COL28A1: variants seen among roughly 807,000 people sequenced by gnomAD.
COL28A1 encodes collagen alpha-1(XXVIII) chain.
In COL28A1, 161 loss-of-function variants were observed where a neutral mutation model predicts 150.2. The observed-to-expected ratio is 1.07, with a 90% CI of 0.94 to 1.22. COL28A1 has a LOEUF of 1.22. Ranked by LOEUF, COL28A1 falls within the 50% of genes most tolerant of loss-of-function variation. COL28A1 has a pLI of 0.00. For synonymous variants in COL28A1, 552 were observed against 469.7 expected (o/e 1.18, Z -2.26); for missense variants, 1,617 against 1,388.3 (o/e 1.16, Z -2.62).
chr7:7,437,257 T>C, intron 22 of COL28A1, 137 bp downstream of exon 22: 1 of 1,365,044 alleles, frequency 7.3e-7, no homozygotes, highest in Non-Finnish European at 9.6e-7. Flanking sequence ...TTTGCTTATC[T>C]GTGAAGTTTC....
intron 15 of COL28A1, among the ~76,000 whole-genome samples, chr7:7,473,429 GAAA>G (rs1365789302): frequency 6.6e-6 from 1 of 152,050 alleles, no homozygotes; most frequent in African/African-American, 2.4e-5. Flanking sequence ...CAACAAACAT[GAAA>G]AAATGCTCAA....
At chr7:7,432,787 C>T (rs1785070342) in intron 23 of COL28A1, 87 bp from the exon 24 acceptor site, 2 of 971,550 alleles carry the variant, frequency 2.1e-6, no homozygotes, top group Non-Finnish European at 3.3e-6. Context: ...CTCAATATGC[C>T]AACGGTCGAT....
In COL28A1 at chr7:7,480,419, G is replaced by A. The variant is rs80005566; in HGVS notation, c.1165-3239C>T. On this transcript the variant is annotated intron_variant, in intron 13 of 34. Transcript: ENST00000399429. The stretch of plus-strand genomic sequence containing the variant: ...TAATATCCATGACAGTTTATTGTAC[G>A]GGCAGAGCAATTAGCTAGTAGGAAA... Among the ~76,000 whole-genome samples the A allele has an allele frequency of 7.2e-4, 109 of 152,010 alleles. 1 individual carries two copies. The East Asian group carries it at 0.013, about 18-fold the overall frequency.
At chr7:7,455,557 A>G (rs527391954) in intron 16 of COL28A1, among the ~76,000 whole-genome samples, 1 of 152,326 alleles carries the variant, frequency 6.6e-6, no homozygotes, top group South Asian at 2.1e-4. Context: ...TGCCCCTTAA[A>G]CTAAGTGGTT....
chr7:7,442,937 A>G (rs1452302892), intron 20 of COL28A1, among the ~76,000 whole-genome samples: 5 of 151,872 alleles, frequency 3.3e-5, no homozygotes, highest in African/African-American at 1.2e-4. Context: ...TGGGAGGCTG[A>G]GGCAGGAAAA....
chr7:7,471,111 T>TA lies in COL28A1; in HGVS notation c.1302+3489dup, dbSNP rs1234212727. Among the ~76,000 whole-genome samples the TA allele has an allele frequency of 2.1e-3, 97 of 46,808 alleles. 1 individual carries two copies. The highest frequency in any genetic ancestry group is 3.5e-3 in the Admixed American group (16 of 4,520). The allele number at this position is 46,808 out of a possible 152,430, so 30.7% of individuals were successfully genotyped here. On this transcript the variant is annotated intron_variant, in intron 15 of 34. Coordinates refer to ENST00000399429, the MANE Select transcript of COL28A1 (RefSeq NM_001037763.3). Reference sequence around the variant, plus strand: ...ATGTACCCTAAAACTTAGAGTATAATAAAAAAAAATAATTAAAAAAAAAAA... The same window carrying TA: ...ATGTACCCTAAAACTTAGAGTATAATAAAAAAAAAATAATTAAAAAAAAAAA...
At chr7:7,524,186 G>A (rs778775116) in intron 4 of COL28A1, 43 bp downstream of exon 4, 8 of 966,498 alleles carry the variant, frequency 8.3e-6, no homozygotes, top group Middle Eastern at 2.1e-4. Flanking sequence ...GATAATGCAA[G>A]TGTTTGGAGT....
chr7:7,489,097 G>A (rs189952982), intron 13 of COL28A1, among the ~76,000 whole-genome samples: 426 of 152,068 alleles, frequency 2.8e-3, no homozygotes, highest in Non-Finnish European at 5.3e-3. Context: ...GCAAAACACC[G>A]TCTCTACTAA....
intron 14 of COL28A1, among the ~76,000 whole-genome samples, chr7:7,476,454 C>T (rs949762148): frequency 1.3e-5 from 2 of 152,174 alleles, no homozygotes; most frequent in African/African-American, 4.8e-5. Flanking sequence ...AGCCACATTC[C>T]TTCATTTATA....
intron 8 of COL28A1, among the ~76,000 whole-genome samples, chr7:7,513,564 T>G (rs973372102): frequency 2.0e-5 from 3 of 152,212 alleles, no homozygotes; most frequent in African/African-American, 7.2e-5. Flanking sequence ...AGCTTTCACT[T>G]AGAACAAGTT....
intron 18 of COL28A1, among the ~76,000 whole-genome samples, chr7:7,445,413 A>T (rs1183635202): frequency 2.6e-5 from 4 of 152,210 alleles, no homozygotes; most frequent in Admixed American, 2.0e-4. Context: ...TGGAAGAAGC[A>T]TAACCCTGCA....
At chr7:7,472,005 A>G (rs779679249) in intron 15 of COL28A1, among the ~76,000 whole-genome samples, 4 of 152,218 alleles carry the variant, frequency 2.6e-5, no homozygotes, top group Non-Finnish European at 5.9e-5. Context: ...CAAAATTGGC[A>G]TACAAGGAGC....
chr7:7,446,439 G>C (rs997914401), intron 18 of COL28A1, among the ~76,000 whole-genome samples: 1 of 152,044 alleles, frequency 6.6e-6, no homozygotes, highest in Non-Finnish European at 1.5e-5. Flanking sequence ...TAAATAAATT[G>C]AGTCAGTGAT....
rs368844949 is a variant in COL28A1 at position 7,458,447 on chromosome 7, C to CA, written c.1303-2336dup. Among the ~76,000 whole-genome samples, 273 of 150,480 alleles carry CA rather than the reference C, an allele frequency of 1.8e-3. 2 individuals are homozygous for CA. Among genetic ancestry groups the CA allele is most frequent in the African/African-American group, 6.1e-3 (251 of 41,014 alleles). On this transcript the variant is annotated intron_variant, in intron 15 of 34. Transcript: ENST00000399429. ...AAAAACAAAACAAAAAACAAACAAACAAAAAAAACAAACAAAAAGAAAAGA... is the reference window on the plus strand; with the variant it reads ...AAAAACAAAACAAAAAACAAACAAACAAAAAAAAACAAACAAAAAGAAAAGA...
intron 7 of COL28A1, 126 bp from the exon 8 acceptor site, chr7:7,515,966 T>C (rs772517416): frequency 2.5e-4 from 149 of 600,046 alleles, no homozygotes; most frequent in Non-Finnish European, 3.6e-4. Flanking sequence ...AATTAGATCA[T>C]AGAAATGTAA....
intron 15 of COL28A1, among the ~76,000 whole-genome samples, chr7:7,460,542 C>T (rs1465152571): frequency 6.6e-6 from 1 of 152,106 alleles, no homozygotes; most frequent in Non-Finnish European, 1.5e-5. Context: ...TGCCACCACG[C>T]CCGGCTAATT....
At chr7:7,502,387 G>A (rs991584436) in intron 11 of COL28A1, among the ~76,000 whole-genome samples, 15 of 152,144 alleles carry the variant, frequency 9.9e-5, no homozygotes, top group Non-Finnish European at 1.2e-4. Context: ...GTGAAAATGG[G>A]CCAGGAGCAC....
chr7:7,413,833 G>A (rs1783920246), intron 27 of COL28A1, among the ~76,000 whole-genome samples: 1 of 152,224 alleles, frequency 6.6e-6, no homozygotes, highest in Non-Finnish European at 1.5e-5. Context: ...CAGTGGCATA[G>A]AAGCTAATTC....
intron 25 of COL28A1, among the ~76,000 whole-genome samples, chr7:7,421,056 T>A (rs369546719): frequency 4.6e-5 from 7 of 152,218 alleles, no homozygotes; most frequent in African/African-American, 1.7e-4. Flanking sequence ...CTTAGCAGCA[T>A]TATACATAAT....
Sources: allele counts gnomAD v4.1 joint callset (sites outside exome capture counted in the v4.1 genomes callset), GRCh38; gene constraint gnomAD v4.1.1; transcripts MANE v1.5; gene names NCBI Gene and HGNC (gene_info 2026-07-23, HGNC 2026-07-21).